CCM2: variants seen among roughly 807,000 people sequenced by gnomAD.
The protein encoded by CCM2 is CCM2 scaffold protein, also known as cerebral cavernous malformations 2 protein.
Under a neutral mutation model 44.9 loss-of-function variants are expected in CCM2, and 25 were observed. The ratio of observed to expected loss-of-function variants is 0.56; its 90% CI spans 0.41 to 0.78. The LOEUF (loss-of-function observed/expected upper bound fraction) is 0.78, where lower values mean the gene tolerates loss of function less well. CCM2 is among the 30% of genes least tolerant of loss of function. The pLI, the probability that CCM2 is intolerant of heterozygous loss-of-function variation, is 0.00. For missense variants in CCM2, 481 were observed against 580.6 expected, an observed-to-expected ratio of 0.83 and a Z score of 1.76; for synonymous variants, 219 against 241.1, an observed-to-expected ratio of 0.91 and a Z score of 0.85.
At position 45,011,342 on chromosome 7, in the gene CCM2, G is replaced by T. The variant is rs552340524; in HGVS notation, c.30+10979G>T. Among the ~76,000 whole-genome samples the T allele has an allele frequency of 9.9e-5, 15 of 151,642 alleles. No homozygotes were observed. The East Asian group carries it at 2.7e-3, about 28-fold the overall frequency. Reference sequence around the variant, plus strand: ...CTCCCTGGTAGCTGGGATTACAGGTGCCCGCCACCACACCCGGCTAATTTT... The same window carrying T: ...CTCCCTGGTAGCTGGGATTACAGGTTCCCGCCACCACACCCGGCTAATTTT... On this transcript the variant is annotated intron_variant, in intron 1 of 9. Transcript: ENST00000258781.
At chr7:45,074,865 G>A (rs188618564) in intron 9 of CCM2, among the ~76,000 whole-genome samples, 1 of 152,328 alleles carries the variant, frequency 6.6e-6, no homozygotes, top group Non-Finnish European at 1.5e-5. Context: ...CGGCTAGAGG[G>A]CTGTGTGGTC....
Position 45,064,444 on chromosome 7 carries a change from G to T in CCM2, c.289-19G>T. On this transcript the variant is annotated intron_variant, in intron 3 of 9. Coordinates refer to ENST00000258781, the MANE Select transcript of CCM2 (RefSeq NM_031443.4). ...TGACAGCTGAGTCTGTATTTCTGAT[G>T]CCCTGTGGTTCCTTCCAGAGAGCCC... is the stretch of plus-strand genomic sequence containing the variant. 2.5e-6 allele frequency: 4 copies of T among 1,611,994 alleles called. No homozygotes were observed. Among genetic ancestry groups the T allele is most frequent in the Non-Finnish European group, 3.4e-6 (4 of 1,179,618 alleles).
intron 1 of CCM2, among the ~76,000 whole-genome samples, chr7:45,005,151 G>C (rs1795796006): frequency 1.3e-5 from 2 of 152,142 alleles, no homozygotes; most frequent in Admixed American, 1.3e-4. Flanking sequence ...ATGGCAACTT[G>C]GTAACTCAGG....
At chr7:45,074,843 A>G (rs527524628) in intron 9 of CCM2, among the ~76,000 whole-genome samples, 1 of 152,218 alleles carries the variant, frequency 6.6e-6, no homozygotes, top group Non-Finnish European at 1.5e-5. Flanking sequence ...TGCTCGGCAC[A>G]TTAGGTCAGT....
chr7:45,048,378 G>T (rs1333049840), intron 2 of CCM2, among the ~76,000 whole-genome samples: 1 of 152,210 alleles, frequency 6.6e-6, no homozygotes, highest in Non-Finnish European at 1.5e-5. Context: ...TTTTTAGAAT[G>T]AACATTAATG....
At chr7:45,033,151 A>G (rs1797049266) in intron 1 of CCM2, among the ~76,000 whole-genome samples, 1 of 151,344 alleles carries the variant, frequency 6.6e-6, no homozygotes, top group African/African-American at 2.4e-5. Flanking sequence ...AGAGGCATCT[A>G]CAGATGGCCG....
Position 45,076,171 on chromosome 7 carries a change from C to T in CCM2, c.*114C>T, listed in dbSNP as rs535610651. On this transcript the variant is annotated 3_prime_UTR_variant, in exon 10 of 10. Transcript: ENST00000258781. ...TTGGTGGTGGCCAGGGAGAGGCGCCCGGTGCAGATGGCCCCGGGCGGCCCA... is the reference window on the plus strand; with the variant it reads ...TTGGTGGTGGCCAGGGAGAGGCGCCTGGTGCAGATGGCCCCGGGCGGCCCA... 4.0e-5 allele frequency: 59 copies of T among 1,481,616 alleles called. No individual in the cohort carries two copies. The highest frequency in any genetic ancestry group is 9.5e-5 in the East Asian group (4 of 41,978). 91.8% of individuals were successfully genotyped at this position (1,481,616 alleles called of 1,614,324 possible).
At chr7:45,039,617 G>A (rs1361996407) in intron 2 of CCM2, among the ~76,000 whole-genome samples, 1 of 152,180 alleles carries the variant, frequency 6.6e-6, no homozygotes, top group African/African-American at 2.4e-5. Flanking sequence ...AGAAAATAGG[G>A]GAAGAAATGT....
At chr7:45,001,703 T>G (rs900944058) in intron 1 of CCM2, among the ~76,000 whole-genome samples, 1 of 152,034 alleles carries the variant, frequency 6.6e-6, no homozygotes, top group African/African-American at 2.4e-5. Flanking sequence ...ATTGAGTGAT[T>G]TTTTTTTCTA....
chr7:45,063,785 G>A (rs555653495), intron 2 of CCM2, 133 bp from the exon 3 acceptor site: 49 of 717,028 alleles, frequency 6.8e-5, no homozygotes, highest in South Asian at 5.1e-4. Context: ...GGGCCTCCAC[G>A]CGAGCCGGAA....
chr7:45,054,769 T>C (rs952650002), intron 2 of CCM2, among the ~76,000 whole-genome samples: 1 of 152,238 alleles, frequency 6.6e-6, no homozygotes, highest in African/African-American at 2.4e-5. Flanking sequence ...GTAGCTGTGC[T>C]CTTGGCTTGC....
At chr7:45,049,365 G>A (rs1203650572) in intron 2 of CCM2, among the ~76,000 whole-genome samples, 1 of 152,200 alleles carries the variant, frequency 6.6e-6, no homozygotes, top group African/African-American at 2.4e-5. Flanking sequence ...TCCGTGGGAG[G>A]AATTGCTGAC....
In CCM2 at chr7:45,075,781, G is replaced by A. The variant is rs1244163733; in HGVS notation, c.1059G>A (p.Leu353=). The change falls in exon 10 of 10, where the codon CTG becomes CTA. Residue 353 remains leucine (L), a synonymous_variant. Coordinates refer to ENST00000258781, the MANE Select transcript of CCM2 (RefSeq NM_031443.4). The part of the protein sequence containing the change: ...GDSRKFLLLG[L]RPFIPEKDSQ... ...CTGGGTGTTGTGTGTCTGCAGGTCTGAGGCCCTTCATCCCTGAGAAGGACA... is the reference window on the plus strand; with the variant it reads ...CTGGGTGTTGTGTGTCTGCAGGTCTAAGGCCCTTCATCCCTGAGAAGGACA... 6 of 1,613,672 alleles carry A rather than the reference G, an allele frequency of 3.7e-6. No homozygotes were observed. In the South Asian group the frequency reaches 5.5e-5, roughly 15 times the overall value.
intron 1 of CCM2, among the ~76,000 whole-genome samples, chr7:45,018,799 C>A (rs866409403): frequency 6.9e-6 from 1 of 144,568 alleles, no homozygotes; most frequent in Admixed American, 7.0e-5. Flanking sequence ...CTTACTCTGT[C>A]GCCAGGCTGG....
chr7:45,014,330 A>G (rs562074798), intron 1 of CCM2, among the ~76,000 whole-genome samples: 98 of 152,094 alleles, frequency 6.4e-4, no homozygotes, highest in African/African-American at 2.1e-3. Context: ...TAGTAGAGAC[A>G]GGGTTTCACC....
chr7:45,071,539 A>G (rs1799072546), intron 6 of CCM2: 1 of 318,966 alleles, frequency 3.1e-6, no homozygotes, highest in South Asian at 2.5e-5. Flanking sequence ...TACTACAGCT[A>G]TGCCAAAACA....
chr7:45,075,979 T>G lies in CCM2; in HGVS notation c.1257T>G (p.Asp419Glu). 6.2e-7 allele frequency: 1 copy of G among 1,612,972 alleles called. No homozygotes were observed. The highest frequency in any genetic ancestry group is 1.6e-4 in the Middle Eastern group (1 of 6,062). The change falls in exon 10 of 10, where the codon GAT becomes GAG. Residue 419 changes from aspartate to glutamate, a missense_variant. Physicochemically the swap from Asp to Glu is conservative, Grantham distance 45. Coordinates refer to ENST00000258781, the MANE Select transcript of CCM2 (RefSeq NM_031443.4). The stretch of plus-strand genomic sequence containing the variant: ...ACCGGTCGGCACCCTCAGAGGGGGA[T>G]GAGTGGGACCGCATGATCTCGGACA... ...SDDRSAPSEG[D>E]EWDRMISDIS...
At chr7:45,075,680 C>A (rs149630877) in intron 9 of CCM2, 97 bp from the exon 10 acceptor site, 26 of 1,474,228 alleles carry the variant, frequency 1.8e-5, no homozygotes, top group Middle Eastern at 3.5e-4. Flanking sequence ...GCACCAGGGG[C>A]AGCTGTGGCC....
intron 1 of CCM2, among the ~76,000 whole-genome samples, chr7:45,037,665 G>A (rs1327019060): frequency 6.6e-6 from 1 of 152,002 alleles, no homozygotes; most frequent in African/African-American, 2.4e-5. Context: ...TGATGTACCC[G>A]CCTCAGCCTC....
Sources: gnomAD v4.1 joint callset for allele counts (sites outside exome capture counted in the v4.1 genomes callset) on GRCh38, gnomAD v4.1.1 for gene constraint, MANE v1.5 for transcripts, NCBI Gene and HGNC (gene_info 2026-07-23, HGNC 2026-07-21) for gene names.